The following FOXN3 variants were observed in gnomAD, a reference collection of about 807,000 sequenced individuals.
FOXN3 encodes the protein forkhead box protein N3.
A neutral mutation model predicts 38.4 loss-of-function variants in FOXN3; 7 were observed. The observed-to-expected ratio is 0.18, with a 90% confidence interval of 0.10 to 0.34. The LOEUF is 0.34. FOXN3 is among the 10% of genes least tolerant of loss of function. FOXN3 has a pLI of 1.00. For synonymous variants in FOXN3, 230 were observed against 242.2 expected, an observed-to-expected ratio of 0.95 and a Z score of 0.47; for missense variants, 456 against 613.4, an observed-to-expected ratio of 0.74 and a Z score of 2.71.
chr14:89,457,900 G>A (rs1892759519), intron 1 of FOXN3, among the ~76,000 whole-genome samples: 1 of 152,114 alleles, frequency 6.6e-6, no homozygotes, highest in Non-Finnish European at 1.5e-5. Context: ...TGTAATCCCA[G>A]CTACTTGGGA....
chr14:89,505,508 C>T (rs1362466309), intron 1 of FOXN3, among the ~76,000 whole-genome samples: 3 of 152,148 alleles, frequency 2.0e-5, no homozygotes, highest in African/African-American at 4.8e-5. Flanking sequence ...AGCTCCTAAC[C>T]GCGAGTGATC....
At chr14:89,234,343 T>G (rs1360345882) in intron 4 of FOXN3, among the ~76,000 whole-genome samples, 1 of 152,164 alleles carries the variant, frequency 6.6e-6, no homozygotes, top group Non-Finnish European at 1.5e-5. Flanking sequence ...AGGAGACTCC[T>G]TCCCTGCCTC....
chr14:89,245,906 T>C lies in FOXN3; in HGVS notation c.745+35044A>G, dbSNP rs563743720. On this transcript the variant is annotated intron_variant, in intron 4 of 5. Transcript: ENST00000557258. ...ACCCCAACCCGCAGCCCTGTGACAC[T>C]TGCTGGAAAGCCACTTGCTAATCAG... Among the ~76,000 whole-genome samples, 49 of 152,164 alleles carry C rather than the reference T, an allele frequency of 3.2e-4. No homozygotes were observed. The South Asian group carries it at 1.0e-2, about 31-fold the overall frequency.
chr14:89,471,378 G>T (rs1893090970), intron 1 of FOXN3, among the ~76,000 whole-genome samples: 1 of 152,166 alleles, frequency 6.6e-6, no homozygotes, highest in South Asian at 2.1e-4. Context: ...AAGGTGGATG[G>T]ATTGCTTGAG....
chr14:89,579,208 T>TG (rs1381017896), intron 1 of FOXN3, among the ~76,000 whole-genome samples: 1 of 146,190 alleles, frequency 6.8e-6, no homozygotes, highest in Non-Finnish European at 1.5e-5. Flanking sequence ...TGAAGTACAC[T>TG]GGCATGATCA....
chr14:89,273,037 G>A (rs576948648), intron 4 of FOXN3, among the ~76,000 whole-genome samples: 161 of 152,272 alleles, frequency 1.1e-3, no homozygotes, highest in African/African-American at 3.8e-3. Flanking sequence ...GATTTCCCCA[G>A]TTTCGGACTG....
rs111252676 is a variant in FOXN3, at chr14:89,554,552, T to G, written c.-15+64476A>C. On this transcript the variant is annotated intron_variant, in intron 1 of 6. Transcript: ENST00000345097. ...GTTCTGTTACAATTTTTTAAAATGG[T>G]AATATCTGGATATAGTATAAACTTC... Among the ~76,000 whole-genome samples, 3 of 152,330 alleles carry G rather than the reference T, an allele frequency of 2.0e-5. 1 individual carries two copies. Among genetic ancestry groups the G allele is most frequent in the African/African-American group, 7.2e-5 (3 of 41,568 alleles).
rs1271105096 is a variant in FOXN3, at chr14:89,412,031, G to A, written c.446C>T (p.Pro149Leu). The stretch of plus-strand genomic sequence containing the variant: ...CCCAGTAGGTGCATTTGCAAAATAC[G>A]GAAAATGTTCCAAGATCCAGTTGTA... ...DIYNWILEHFPYFANAPTGWK... is the reference protein window; with the variant it reads ...DIYNWILEHFLYFANAPTGWK... Residue 149 changes from proline to leucine, a missense_variant, in exon 2 of 6, where the codon CCG becomes CTG. This residue lies in a region of FOXN3 where 386 missense variants were observed against 505.2 expected (regional missense o/e 0.76). Transcript: ENST00000557258. The surrounding 1 kb of genome is among the most constrained non-coding windows in gnomAD (Gnocchi z 4.7). 2.5e-6 allele frequency: 4 copies of A among 1,612,864 alleles called. No individual in the cohort carries two copies. The highest frequency in any genetic ancestry group is 4.5e-5 in the East Asian group (2 of 44,872).
chr14:89,356,444 C>T (rs748550595), intron 2 of FOXN3: 6 of 152,022 alleles, frequency 3.9e-5, no homozygotes, highest in Admixed American at 1.3e-4. Context: ...ATTAAAACAA[C>T]ACAGAAAGTT....
At chr14:89,610,865 C>G (rs242764) in intron 1 of FOXN3, among the ~76,000 whole-genome samples, 122,561 of 152,076 alleles carry the variant, frequency 0.81, 54,620 homozygotes, top group East Asian at 1. Flanking sequence ...TGGCATTTCC[C>G]TTGATTGATC....
chr14:89,438,094 G>A (rs2110699), intron 1 of FOXN3, among the ~76,000 whole-genome samples: 136,414 of 152,332 alleles, frequency 0.9, 61,155 homozygotes, highest in East Asian at 0.97. Context: ...ACATTCTTTA[G>A]TAATTCCAAA....
chr14:89,208,367 T>C (rs915262030), intron 4 of FOXN3, among the ~76,000 whole-genome samples: 1 of 152,172 alleles, frequency 6.6e-6, no homozygotes, highest in Non-Finnish European at 1.5e-5. Context: ...CTGAGTAGCA[T>C]TTTACTTCTT....
intron 2 of FOXN3, among the ~76,000 whole-genome samples, chr14:89,357,528 AACCT>A (rs1889280205): frequency 6.6e-6 from 1 of 151,994 alleles, no homozygotes; most frequent in Non-Finnish European, 1.5e-5. Flanking sequence ...GAATCGCTTC[AACCT>A]GGGAGGCGAA....
intron 4 of FOXN3, among the ~76,000 whole-genome samples, chr14:89,242,592 A>C (rs1344077632): frequency 6.6e-6 from 1 of 152,194 alleles, no homozygotes; most frequent in African/African-American, 2.4e-5. Context: ...GACACTCACA[A>C]GATTAAAAGC....
chr14:89,295,379 T>C (rs1887002778), intron 3 of FOXN3, among the ~76,000 whole-genome samples: 2 of 152,182 alleles, frequency 1.3e-5, no homozygotes, highest in Admixed American at 1.3e-4. Flanking sequence ...TAACGCCTTA[T>C]ACCTTTAACC....
At chr14:89,306,469 G>A (rs1435433491) in intron 3 of FOXN3, among the ~76,000 whole-genome samples, 1 of 152,004 alleles carries the variant, frequency 6.6e-6, no homozygotes, top group African/African-American at 2.4e-5. Flanking sequence ...CTGGGTTCAC[G>A]CTATTCTCCT....
At chr14:89,497,055 A>T (rs1253332824) in intron 1 of FOXN3, among the ~76,000 whole-genome samples, 1 of 152,074 alleles carries the variant, frequency 6.6e-6, no homozygotes, top group Middle Eastern at 3.2e-3. Context: ...CCCGGGTTCA[A>T]GTGATTCTCC....
chr14:89,503,938 A>C (rs1893855394), intron 1 of FOXN3, among the ~76,000 whole-genome samples: 1 of 152,192 alleles, frequency 6.6e-6, no homozygotes, highest in Non-Finnish European at 1.5e-5. Flanking sequence ...AGCCCATCGG[A>C]TTTGCCCCTT....
chr14:89,584,926 G>A (rs966421747), intron 1 of FOXN3, among the ~76,000 whole-genome samples: 1 of 152,126 alleles, frequency 6.6e-6, no homozygotes, highest in Admixed American at 6.5e-5. Context: ...GTGTTGGCCA[G>A]GCTGGTCTTG....
Sources: gnomAD v4.1 joint callset for allele counts (sites outside exome capture counted in the v4.1 genomes callset) on GRCh38, gnomAD v4.1.1 for gene constraint, gnomAD v4.1.1 regional missense constraint, Gnocchi (gnomAD v3.1) non-coding constraint, MANE v1.5 for transcripts, NCBI Gene and HGNC (gene_info 2026-07-23, HGNC 2026-07-21) for gene names.